Variants in CTBP2 observed in about 807,000 individuals in gnomAD.
CTBP2 encodes the protein C-terminal-binding protein 2.
CTBP2 carries 30 observed loss-of-function variants against 80.3 expected under a neutral mutation model. That is an observed-to-expected ratio of 0.37 (90% CI 0.28 to 0.51). The LOEUF is 0.51. Ranked by LOEUF, CTBP2 falls within the 20% of genes least tolerant of loss-of-function variation. The pLI, the probability that CTBP2 is intolerant of heterozygous loss-of-function variation, is 0.93. For synonymous variants in CTBP2, 594 were observed against 587.4 expected (o/e 1.01, Z -0.16); for missense variants, 1,212 against 1,375.3 (o/e 0.88, Z 1.88).
intron 1 of CTBP2, among the ~76,000 whole-genome samples, chr10:125,157,253 C>T (rs1861083831): frequency 6.6e-6 from 1 of 152,116 alleles, no homozygotes; most frequent in Non-Finnish European, 1.5e-5. Flanking sequence ...ATTCACCCTG[C>T]CCCTCCCCGC....
intron 1 of CTBP2, among the ~76,000 whole-genome samples, chr10:125,153,141 A>G (rs1234086334): frequency 6.6e-6 from 1 of 152,222 alleles, no homozygotes; most frequent in Non-Finnish European, 1.5e-5. Context: ...GTAAGGCCAC[A>G]TGACCGCACA....
chr10:125,002,748 C>T (rs1954702125), intron 3 of CTBP2, among the ~76,000 whole-genome samples: 1 of 152,218 alleles, frequency 6.6e-6, no homozygotes, highest in Admixed American at 6.5e-5. Flanking sequence ...GCCCCGCAGA[C>T]CCCACACAAG....
At chr10:124,991,733 C>T (rs1002158927) in intron 8 of CTBP2, among the ~76,000 whole-genome samples, 10 of 152,098 alleles carry the variant, frequency 6.6e-5, no homozygotes, top group African/African-American at 1.4e-4. Flanking sequence ...AGGCCTCCTA[C>T]GAGAGAATGA....
chr10:125,015,539 C>T (rs558889904), intron 1 of CTBP2, among the ~76,000 whole-genome samples: 4 of 152,354 alleles, frequency 2.6e-5, no homozygotes, highest in South Asian at 2.1e-4. Flanking sequence ...CGTCCACTCC[C>T]GGTCTTGCAG....
intron 2 of CTBP2, among the ~76,000 whole-genome samples, chr10:125,077,818 T>C (rs1846506948): frequency 6.6e-6 from 1 of 152,080 alleles, no homozygotes; most frequent in South Asian, 2.1e-4. Context: ...TCTCATTTAG[T>C]CCAAACGGGG....
chr10:125,037,442 C>T (rs1959013437), intron 3 of CTBP2, among the ~76,000 whole-genome samples: 1 of 152,188 alleles, frequency 6.6e-6, no homozygotes, highest in Non-Finnish European at 1.5e-5. Context: ...ACTCAGTAAC[C>T]TCAATCAAGC....
chr10:125,152,265 A>G (rs887599288), intron 1 of CTBP2, among the ~76,000 whole-genome samples: 2 of 152,160 alleles, frequency 1.3e-5, no homozygotes, highest in African/African-American at 4.8e-5. Flanking sequence ...GGACGCCAGG[A>G]GGCCCGTCCT....
At chr10:125,162,190 C>A (rs374091484), upstream of CTBP2, among the ~76,000 whole-genome samples, 9 of 152,208 alleles carry the variant, frequency 5.9e-5, no homozygotes, top group African/African-American at 2.2e-4. Context: ...ATTGAGATGT[C>A]GAGCAGGAAA....
At chr10:125,014,045 C>T (rs1956218657) in intron 1 of CTBP2, among the ~76,000 whole-genome samples, 1 of 152,208 alleles carries the variant, frequency 6.6e-6, no homozygotes, top group Non-Finnish European at 1.5e-5. Flanking sequence ...CCGGGTGTCT[C>T]TCTAGATCTT....
Position 124,998,156 on chromosome 10 carries a change from T to A in CTBP2, c.1993A>T (p.Asn665Tyr). ...TCTTCCACGGCTGCAGACGGGATGT[T>A]GCACACGGCAATTCCTGAAAGGGAT... The change falls in exon 4 of 9, where the codon AAC (asparagine) becomes TAC (tyrosine). Residue 665 changes from asparagine (N) to tyrosine (Y), a missense_variant. Physicochemically the swap from Asn to Tyr is moderately radical, Grantham distance 143. Coordinates refer to ENST00000309035, the MANE Select transcript of CTBP2 (RefSeq NM_022802.3). The A allele has an allele frequency of 6.2e-7, 1 of 1,607,500 alleles. No individual in the cohort carries two copies. The highest frequency in any genetic ancestry group is 1.3e-5 in the African/African-American group (1 of 75,036).
In CTBP2 at chr10:125,011,585, A is replaced by G. The variant is rs543245838; in HGVS notation, c.1679-8093T>C. ...TGTCCAGACCCACACCATCAAGTTC[A>G]GAAAAAACACAAAATACAAACCCCC... On this transcript the variant is annotated intron_variant, in intron 1 of 8. Transcript: ENST00000309035. Among the ~76,000 whole-genome samples the G allele has an allele frequency of 5.2e-4, 79 of 152,344 alleles. 1 individual carries two copies. In the Middle Eastern group the frequency reaches 0.01, roughly 20 times the overall value.
At chr10:125,063,976 G>A (rs115979624) in intron 2 of CTBP2, among the ~76,000 whole-genome samples, 2,817 of 151,662 alleles carry the variant, frequency 0.019, 87 homozygotes, top group African/African-American at 0.062. Flanking sequence ...TCAACCCCCC[G>A]CACCCCAACT....
rs749724727 is a variant in CTBP2, at chr10:125,028,030, T to A, written c.-271A>T. 6.7e-5 allele frequency: 55 copies of A among 822,596 alleles called. No homozygotes were observed. Among genetic ancestry groups the A allele is most frequent in the Admixed American group, 2.1e-4 (5 of 24,068 alleles). The allele number at this position is 822,596 out of a possible 1,614,324, so 51.0% of individuals were successfully genotyped here. A position where few individuals can be genotyped will look rare whatever the true frequency, so the allele number is the denominator to read the frequency against. On this transcript the variant is annotated 5_prime_UTR_variant, in exon 1 of 9. Transcript: ENST00000309035. ...TACAGCTCAGTCCCGGAGAGGAGGC[T>A]GTCCCCAGCCTGCCAGGTCCCCCTT... is the stretch of plus-strand genomic sequence containing the variant.
chr10:124,992,209 C>CTT (rs61400691), intron 8 of CTBP2, among the ~76,000 whole-genome samples: 60,382 of 102,314 alleles, frequency 0.59, 19,885 homozygotes, highest in Non-Finnish European at 0.71. Context: ...TTGAGAAGCC[C>CTT]TTTTTTTTTT....
intron 1 of CTBP2, among the ~76,000 whole-genome samples, chr10:125,114,743 G>A (rs974418834): frequency 3.3e-5 from 5 of 152,096 alleles, no homozygotes; most frequent in South Asian, 2.1e-4. Context: ...AACTCATAGC[G>A]TTCTTTCAGA....
In CTBP2 at chr10:124,986,177, A is replaced by G. The variant is rs1952029248; in HGVS notation, c.*3341T>C. ...TTCAGGTATACATTCAATACTGGGT[A>G]AAAATTTCAGACCTATCTCAGGAAC... On this transcript the variant is annotated 3_prime_UTR_variant, in exon 9 of 9. Transcript: ENST00000309035. 6.6e-6 allele frequency: 1 copy of G among 152,530 alleles called. No homozygotes were observed. Among genetic ancestry groups the G allele is most frequent in the South Asian group, 2.1e-4 (1 of 4,826 alleles). 9.4% of individuals were successfully genotyped at this position (152,530 alleles called of 1,614,324 possible).
At chr10:125,044,752 T>C (rs4962725) in intron 2 of CTBP2, among the ~76,000 whole-genome samples, 67,714 of 151,876 alleles carry the variant, frequency 0.45, 15,423 homozygotes, top group African/African-American at 0.53. Context: ...GGCCACCCAG[T>C]GAGAGCCTGT....
intron 1 of CTBP2, among the ~76,000 whole-genome samples, chr10:125,140,585 G>A (rs1437855556): frequency 6.6e-6 from 1 of 152,206 alleles, no homozygotes; most frequent in East Asian, 1.9e-4. Context: ...CACTTTGGGA[G>A]GCCAAGGTGG....
intron 2 of CTBP2, among the ~76,000 whole-genome samples, chr10:125,067,505 C>A (rs552893955): frequency 2.6e-5 from 4 of 152,140 alleles, no homozygotes; most frequent in African/African-American, 7.2e-5. Flanking sequence ...CTCCATGTAA[C>A]CTTCTAGACG....
Sources: gnomAD v4.1 joint callset for allele counts (sites outside exome capture counted in the v4.1 genomes callset) on GRCh38, gnomAD v4.1.1 for gene constraint, MANE v1.5 for transcripts, NCBI Gene and HGNC (gene_info 2026-07-23, HGNC 2026-07-21) for gene names.